Variants in CCDC91 observed in about 807,000 individuals in gnomAD.
CCDC91 encodes the protein coiled-coil domain-containing protein 91.
CCDC91 carries 48 observed loss-of-function variants against 63.2 expected under a neutral mutation model. That is an observed-to-expected ratio of 0.76 (90% CI 0.60 to 0.97). CCDC91 has a LOEUF of 0.97. Among genes scored for constraint, CCDC91 ranks in the 50% least tolerant of loss-of-function variants. The pLI, the probability that CCDC91 is intolerant of heterozygous loss-of-function variation, is 0.00. For synonymous variants in CCDC91, 167 were observed against 165.8 expected, an observed-to-expected ratio of 1.01 and a Z score of -0.06; for missense variants, 500 against 494.6, an observed-to-expected ratio of 1.01 and a Z score of -0.10.
intron 3 of CCDC91, among the ~76,000 whole-genome samples, chr12:28,292,978 T>A (rs1949340979): frequency 6.6e-6 from 1 of 152,218 alleles, no homozygotes; most frequent in South Asian, 2.1e-4. Flanking sequence ...GGTATATTTG[T>A]AATCTGACAA....
chr12:28,484,192 T>G, intron 12 of CCDC91, 27 bp downstream of exon 12: 1 of 1,329,106 alleles, frequency 7.5e-7, no homozygotes, highest in Non-Finnish European at 1.1e-6. Context: ...GAGTTTTAAT[T>G]TGTGCTTCAA....
intron 1 of CCDC91, 84 bp from the exon 2 acceptor site, chr12:28,257,118 A>G (rs185398626): frequency 1.3e-6 from 1 of 786,098 alleles, no homozygotes; most frequent in Non-Finnish European, 2.2e-6. Flanking sequence ...TTACAAATAA[A>G]TATGTATACA....
intron 12 of CCDC91, among the ~76,000 whole-genome samples, chr12:28,502,757 A>C (rs1938108883): frequency 6.6e-6 from 1 of 151,196 alleles, no homozygotes; most frequent in South Asian, 2.1e-4. Context: ...GGAACAGAAC[A>C]GAGCCCTCAG....
At chr12:28,290,369 C>T (rs1037197609) in intron 3 of CCDC91, among the ~76,000 whole-genome samples, 1 of 152,066 alleles carries the variant, frequency 6.6e-6, no homozygotes, top group East Asian at 1.9e-4. Context: ...GAGTTTTCTC[C>T]ATCCCTTTAT....
intron 3 of CCDC91, among the ~76,000 whole-genome samples, chr12:28,266,689 G>A (rs1016247490): frequency 4.6e-5 from 7 of 151,750 alleles, no homozygotes; most frequent in African/African-American, 1.7e-4. Flanking sequence ...ATCTGAATTT[G>A]CTTTTTAAGG....
intron 11 of CCDC91, among the ~76,000 whole-genome samples, chr12:28,472,730 G>A (rs886844659): frequency 5.9e-5 from 9 of 152,110 alleles, no homozygotes; most frequent in African/African-American, 2.2e-4. Flanking sequence ...GTCATCACTT[G>A]GGAGGCATTT....
At chr12:28,221,691 A>G (rs1943963604) in intron 1 of CCDC91, among the ~76,000 whole-genome samples, 1 of 152,174 alleles carries the variant, frequency 6.6e-6, no homozygotes, top group Non-Finnish European at 1.5e-5. Context: ...TACTAGGTTT[A>G]TCCACTCTGA....
intron 12 of CCDC91, among the ~76,000 whole-genome samples, chr12:28,491,896 T>A (rs1280200306): frequency 7.4e-5 from 10 of 136,024 alleles, no homozygotes; most frequent in Admixed American, 1.5e-4. Flanking sequence ...TGTGTGTGTG[T>A]GAAGGTGTAG....
At chr12:28,246,526 T>C (rs552526758) in intron 1 of CCDC91, among the ~76,000 whole-genome samples, 36 of 152,276 alleles carry the variant, frequency 2.4e-4, no homozygotes, top group Non-Finnish European at 2.6e-4. Flanking sequence ...TTTGCTTATA[T>C]GGGGGACTCC....
chr12:28,450,333 GTT>G lies in CCDC91; in HGVS notation c.856-14_856-13del. On this transcript the variant is annotated splice_polypyrimidine_tract_variant and intron_variant, in intron 9 of 12. Coordinates refer to ENST00000536442, the MANE Select transcript of CCDC91 (RefSeq NM_018318.5). ...TAATACATTTAATGTCTTTCCAACT[GTT>G]TTATCATTTGACAGGAAATATTGGA... is the stretch of plus-strand genomic sequence containing the variant. 6.2e-7 allele frequency: 1 copy of G among 1,608,172 alleles called. No homozygotes were observed. The highest frequency in any genetic ancestry group is 8.5e-7 in the Non-Finnish European group (1 of 1,175,108).
intron 8 of CCDC91, among the ~76,000 whole-genome samples, chr12:28,406,478 T>C (rs1946953966): frequency 6.6e-6 from 1 of 152,174 alleles, no homozygotes; most frequent in Non-Finnish European, 1.5e-5. Flanking sequence ...TTTGTTGTTT[T>C]CTTATGATTG....
intron 1 of CCDC91, among the ~76,000 whole-genome samples, chr12:28,244,585 T>C (rs934645013): frequency 7.5e-6 from 1 of 133,544 alleles, no homozygotes; most frequent in Admixed American, 8.7e-5. Flanking sequence ...ACACTGGAGG[T>C]GACTTGCTGG....
At chr12:28,527,614 A>AT (rs141615633) in intron 12 of CCDC91, among the ~76,000 whole-genome samples, 31,250 of 148,078 alleles carry the variant, frequency 0.21, 4,206 homozygotes, top group Non-Finnish European at 0.3. Flanking sequence ...AGCATCAGCT[A>AT]TGGGAGTATG....
At chr12:28,403,269 G>A (rs1048092049) in intron 8 of CCDC91, among the ~76,000 whole-genome samples, 2 of 152,150 alleles carry the variant, frequency 1.3e-5, no homozygotes, top group African/African-American at 4.8e-5. Context: ...AAAGTTATCT[G>A]GGCCAGGTGC....
chr12:28,196,686 T>C (rs1191494817), intron 1 of CCDC91, among the ~76,000 whole-genome samples: 2 of 152,186 alleles, frequency 1.3e-5, no homozygotes, highest in Non-Finnish European at 1.5e-5. Flanking sequence ...CTTTTTTTGA[T>C]TGTGAACATG....
At chr12:28,538,951 GTTGT>G (rs926925967) in intron 12 of CCDC91, among the ~76,000 whole-genome samples, 5 of 152,112 alleles carry the variant, frequency 3.3e-5, no homozygotes, top group African/African-American at 7.2e-5. Flanking sequence ...TTTTGATGGG[GTTGT>G]TTGTTTTTTT....
chr12:28,211,713 C>T (rs528125291), intron 1 of CCDC91, among the ~76,000 whole-genome samples: 48 of 151,384 alleles, frequency 3.2e-4, no homozygotes, highest in African/African-American at 1.2e-3. Flanking sequence ...CATTTTTTAC[C>T]TAAAATGTTG....
In CCDC91 at chr12:28,348,068, C is replaced by G. The variant is rs1440024039; in HGVS notation, c.577-14370C>G. Among the ~76,000 whole-genome samples the G allele has an allele frequency of 2.0e-5, 3 of 152,226 alleles. No individual in the cohort carries two copies. The South Asian group carries it at 6.2e-4, about 31-fold the overall frequency. ...TTACATTACTCTAAGGAGGCCATCT[C>G]TCTGTCCATTGTTGGACATTATGGG... On this transcript the variant is annotated intron_variant, in intron 6 of 12. Coordinates refer to ENST00000536442, the MANE Select transcript of CCDC91 (RefSeq NM_018318.5).
intron 1 of CCDC91, among the ~76,000 whole-genome samples, chr12:28,202,106 A>G (rs1460386668): frequency 6.7e-6 from 1 of 149,120 alleles, no homozygotes; most frequent in Non-Finnish European, 1.5e-5. Context: ...TTGTTTCTTT[A>G]TTTTGTAATC....
Sources: allele counts gnomAD v4.1 joint callset (sites outside exome capture counted in the v4.1 genomes callset), GRCh38; gene constraint gnomAD v4.1.1; transcripts MANE v1.5; gene names NCBI Gene and HGNC (gene_info 2026-07-23, HGNC 2026-07-21).